Variants in GPR39 observed in about 807,000 individuals in gnomAD.
The protein encoded by GPR39 is zinc sensing receptor.
A neutral mutation model predicts 18.4 loss-of-function variants in GPR39; 23 were observed. That is an observed-to-expected ratio of 1.25 (90% confidence interval 0.90 to 1.77). The LOEUF is 1.77. GPR39 is among the 40% of genes most tolerant of loss of function. GPR39 has a pLI of 0.00. For synonymous variants in GPR39, 280 were observed against 257.9 expected, an observed-to-expected ratio of 1.09 and a Z score of -0.82; for missense variants, 647 against 602.4, an observed-to-expected ratio of 1.07 and a Z score of -0.78.
chr2:132,518,862 C>T (rs868387449), intron 1 of GPR39, among the ~76,000 whole-genome samples: 9 of 152,266 alleles, frequency 5.9e-5, no homozygotes, highest in Middle Eastern at 3.4e-3. Flanking sequence ...CAAAATCCAG[C>T]GTGTATTTTA....
intron 1 of GPR39, among the ~76,000 whole-genome samples, chr2:132,422,968 T>G (rs1383900676): frequency 6.6e-6 from 1 of 151,952 alleles, no homozygotes; most frequent in Admixed American, 6.6e-5. Flanking sequence ...GGCTTATTAG[T>G]GCTAAAACCA....
intron 1 of GPR39, among the ~76,000 whole-genome samples, chr2:132,606,528 A>G (rs1681140478): frequency 6.6e-6 from 1 of 152,232 alleles, no homozygotes; most frequent in Admixed American, 6.5e-5. Context: ...TCTGGGCTCC[A>G]ACCCATAGCA....
intron 1 of GPR39, among the ~76,000 whole-genome samples, chr2:132,437,375 T>C (rs891835117): frequency 1.3e-5 from 2 of 152,204 alleles, no homozygotes; most frequent in African/African-American, 4.8e-5. Context: ...CACTACACCA[T>C]ACTCCTTCAT....
intron 1 of GPR39, among the ~76,000 whole-genome samples, chr2:132,525,345 G>T (rs1679488975): frequency 1.3e-5 from 2 of 152,166 alleles, no homozygotes; most frequent in South Asian, 4.1e-4. Flanking sequence ...TGTCTTCTTT[G>T]CAGGCTTGAG....
chr2:132,427,773 CT>C (rs1276383145), intron 1 of GPR39, among the ~76,000 whole-genome samples: 2 of 149,868 alleles, frequency 1.3e-5, no homozygotes, highest in Non-Finnish European at 3.0e-5. Flanking sequence ...TCATAGTGTC[CT>C]GAGGCCTCGA....
At chr2:132,515,020 CA>C (rs1397201427) in intron 1 of GPR39, among the ~76,000 whole-genome samples, 1 of 151,954 alleles carries the variant, frequency 6.6e-6, no homozygotes, top group Non-Finnish European at 1.5e-5. Flanking sequence ...ATATTTCCAA[CA>C]AAACAAAACA....
Position 132,455,456 on chromosome 2 carries a change from A to C in GPR39, c.856+37558A>C, listed in dbSNP as rs1377784153. 2.6e-5 allele frequency among the ~76,000 whole-genome samples: 4 copies of C among 152,212 alleles called. No homozygotes were observed. In the East Asian group the frequency reaches 5.8e-4, roughly 22 times the overall value. On this transcript the variant is annotated intron_variant, in intron 1 of 1. Transcript: ENST00000329321. ...AGCTCCTGGAGTCATTGAATTTTGA[A>C]GGGTTTTTTGTTTCTCTATCTCTTT...
At chr2:132,498,981 A>G (rs1681700834) in intron 1 of GPR39, among the ~76,000 whole-genome samples, 1 of 151,764 alleles carries the variant, frequency 6.6e-6, no homozygotes. Flanking sequence ...GGATGTATGG[A>G]TTGTGAAGAT....
Position 132,646,554 on chromosome 2 carries a change from G to GACTT in GPR39, c.*950_*953dup, listed in dbSNP as rs930382017. On this transcript the variant is annotated 3_prime_UTR_variant, in exon 2 of 2. Coordinates refer to ENST00000329321, the MANE Select transcript of GPR39 (RefSeq NM_001508.3). Reference sequence around the variant, plus strand: ...CCTGTTAATAAAGAGCTGTTAAATAGACTTATTTACATTTTAAGTCAGAGT... The same window carrying GACTT: ...CCTGTTAATAAAGAGCTGTTAAATAGACTTACTTATTTACATTTTAAGTCAGAGT... The GACTT allele has an allele frequency of 2.1e-5, 7 of 339,704 alleles. No homozygotes were observed. The highest frequency in any genetic ancestry group is 4.8e-5 in the Admixed American group (1 of 20,860). The allele number at this position is 339,704 out of a possible 1,614,324, so 21.0% of individuals were successfully genotyped here.
At chr2:132,615,975 A>T (rs1381472041) in intron 1 of GPR39, among the ~76,000 whole-genome samples, 1 of 148,972 alleles carries the variant, frequency 6.7e-6, no homozygotes. Context: ...ATTTTAAGCA[A>T]GTGATTCTTT....
chr2:132,512,593 T>A (rs1679260826), intron 1 of GPR39, among the ~76,000 whole-genome samples: 1 of 152,108 alleles, frequency 6.6e-6, no homozygotes, highest in African/African-American at 2.4e-5. Flanking sequence ...CTCAGGAGAG[T>A]TACCTCATCT....
intron 1 of GPR39, among the ~76,000 whole-genome samples, chr2:132,589,188 T>C (rs1179929432): frequency 3.3e-5 from 5 of 151,582 alleles, no homozygotes; most frequent in Non-Finnish European, 7.4e-5. Context: ...CAACAAAAGC[T>C]TGGAGGCAGC....
intron 1 of GPR39, among the ~76,000 whole-genome samples, chr2:132,450,795 C>T (rs371479555): frequency 6.6e-6 from 1 of 152,230 alleles, no homozygotes; most frequent in Non-Finnish European, 1.5e-5. Context: ...TCCTTTGAAT[C>T]GGTGTCTCCA....
chr2:132,421,206 G>A (rs1680002978), intron 1 of GPR39, among the ~76,000 whole-genome samples: 1 of 152,162 alleles, frequency 6.6e-6, no homozygotes, highest in Admixed American at 6.5e-5. Context: ...TCTTTCTGAA[G>A]TCTCCTTTGG....
chr2:132,480,460 G>T (rs1043241038), intron 1 of GPR39, among the ~76,000 whole-genome samples: 1 of 152,174 alleles, frequency 6.6e-6, no homozygotes, highest in Admixed American at 6.5e-5. Flanking sequence ...AGATACAGCG[G>T]CATGGTATGA....
intron 1 of GPR39, among the ~76,000 whole-genome samples, chr2:132,472,925 G>T (rs540725748): frequency 6.6e-6 from 1 of 151,944 alleles, no homozygotes; most frequent in East Asian, 1.9e-4. Context: ...GAACTCTCTA[G>T]GTCTGCCCTG....
At chr2:132,610,909 G>A (rs1480057238) in intron 1 of GPR39, among the ~76,000 whole-genome samples, 1 of 152,172 alleles carries the variant, frequency 6.6e-6, no homozygotes, top group Non-Finnish European at 1.5e-5. Context: ...AAAGGGCATG[G>A]AGTAATAAAT....
chr2:132,571,611 G>C (rs1307743787), intron 1 of GPR39, among the ~76,000 whole-genome samples: 1 of 152,162 alleles, frequency 6.6e-6, no homozygotes, highest in Non-Finnish European at 1.5e-5. Flanking sequence ...GTAAGTGACT[G>C]TAAACTCAAG....
chr2:132,427,153 T>C (rs1369065168), intron 1 of GPR39, among the ~76,000 whole-genome samples: 1 of 82,770 alleles, frequency 1.2e-5, no homozygotes, highest in Non-Finnish European at 2.4e-5. Flanking sequence ...TATATATATA[T>C]ATATATATAT....
Sources: allele counts gnomAD v4.1 joint callset (sites outside exome capture counted in the v4.1 genomes callset), GRCh38; gene constraint gnomAD v4.1.1; transcripts MANE v1.5; gene names NCBI Gene and HGNC (gene_info 2026-07-23, HGNC 2026-07-21).